CC2D2A: variants seen among roughly 807,000 people sequenced by gnomAD.
The protein encoded by CC2D2A is coiled-coil and C2 domain containing 2A, also known as coiled-coil and C2 domain-containing protein 2A.
In CC2D2A, 155 loss-of-function variants were observed where a neutral mutation model predicts 212.9. That is an observed-to-expected ratio of 0.73 (90% confidence interval 0.64 to 0.83). The LOEUF is 0.83. Among genes scored for constraint, CC2D2A ranks in the 40% least tolerant of loss-of-function variants. The pLI is 0.00. For synonymous variants in CC2D2A, 667 were observed against 686.5 expected, an observed-to-expected ratio of 0.97 and a Z score of 0.44; for missense variants, 1,856 against 1,956.2, an observed-to-expected ratio of 0.95 and a Z score of 0.97.
At chr4:15,586,006 G>A (rs1428777441) in intron 30 of CC2D2A, 151 bp from the exon 31 acceptor site, 3 of 509,584 alleles carry the variant, frequency 5.9e-6, no homozygotes, top group African/African-American at 3.9e-5. Context: ...GTTTGGTGAG[G>A]ATGGAGATAT....
intron 30 of CC2D2A, among the ~76,000 whole-genome samples, chr4:15,584,709 CA>C (rs1720789571): frequency 6.6e-6 from 1 of 152,066 alleles, no homozygotes; most frequent in Non-Finnish European, 1.5e-5. Flanking sequence ...AGTCAAGAGA[CA>C]ACCTACACAG....
intron 14 of CC2D2A, 64 bp downstream of exon 14, chr4:15,533,397 A>G (rs188870085): frequency 5.0e-6 from 6 of 1,195,690 alleles, no homozygotes; most frequent in Non-Finnish European, 1.1e-6. Flanking sequence ...TGTATAAAAC[A>G]TGGATACAGT....
At chr4:15,577,874 T>G (rs1720480573) in intron 29 of CC2D2A, among the ~76,000 whole-genome samples, 1 of 152,194 alleles carries the variant, frequency 6.6e-6, no homozygotes, top group African/African-American at 2.4e-5. Context: ...GACTAAAAGT[T>G]CTTTTGGAGG....
chr4:15,557,548 A>G (rs1719354138), intron 21 of CC2D2A, 41 bp downstream of exon 21: 10 of 1,383,082 alleles, frequency 7.2e-6, no homozygotes, highest in Non-Finnish European at 9.9e-6. Flanking sequence ...ATAATAAAGT[A>G]CCTACTGTGC....
intron 30 of CC2D2A, among the ~76,000 whole-genome samples, chr4:15,584,426 T>C (rs1440740747): frequency 6.6e-6 from 1 of 152,090 alleles, no homozygotes; most frequent in African/African-American, 2.4e-5. Context: ...CAATAAATGG[T>C]GCTGGAAAAA....
rs56039505 is a variant in CC2D2A, at chr4:15,470,649, A to ATC, written c.-19+632_-19+633dup. 5.1e-3 allele frequency among the ~76,000 whole-genome samples: 497 copies of ATC among 98,138 alleles called. 3 individuals are homozygous for ATC. Among genetic ancestry groups the ATC allele is most frequent in the African/African-American group, 7.6e-3 (117 of 15,392 alleles). The allele number at this position is 98,138 out of a possible 152,430, so 64.4% of individuals were successfully genotyped here. A position where few individuals can be genotyped will look rare whatever the true frequency, so the allele number is the denominator to read the frequency against. On this transcript the variant is annotated intron_variant, in intron 1 of 36. Coordinates refer to ENST00000424120, the MANE Select transcript of CC2D2A (RefSeq NM_001378615.1). ...CAAATAAATTCAGCACCAGCATGAAATCTCTCTCTCTCTCTCTCTCTCTCT... is the reference window on the plus strand; with the variant it reads ...CAAATAAATTCAGCACCAGCATGAAATCTCTCTCTCTCTCTCTCTCTCTCTCT...
At chr4:15,537,365 G>A (rs558794988) in intron 15 of CC2D2A, among the ~76,000 whole-genome samples, 18 of 152,328 alleles carry the variant, frequency 1.2e-4, no homozygotes, top group Middle Eastern at 3.4e-3. Flanking sequence ...AATCACTAAT[G>A]CATGTGTCCA....
chr4:15,578,647 A>T (rs1251398110), intron 29 of CC2D2A, among the ~76,000 whole-genome samples: 1 of 152,190 alleles, frequency 6.6e-6, no homozygotes, highest in Non-Finnish European at 1.5e-5. Flanking sequence ...TTCTTTTTTA[A>T]CAGAGTCTCA....
chr4:15,582,754 C>A (rs1044221760), intron 30 of CC2D2A, among the ~76,000 whole-genome samples: 7 of 152,044 alleles, frequency 4.6e-5, no homozygotes, highest in Non-Finnish European at 1.0e-4. Flanking sequence ...TGCTAAATTC[C>A]ACCAAATGTT....
intron 19 of CC2D2A, among the ~76,000 whole-genome samples, chr4:15,553,713 C>T (rs1290819906): frequency 6.6e-6 from 1 of 152,170 alleles, no homozygotes; most frequent in Non-Finnish European, 1.5e-5. Context: ...CATTCTCCAG[C>T]CTCCTCCCTT....
chr4:15,497,860 T>C (rs1715706802), intron 4 of CC2D2A, among the ~76,000 whole-genome samples: 1 of 151,654 alleles, frequency 6.6e-6, no homozygotes, highest in Admixed American at 6.6e-5. Context: ...TTGTGGTATA[T>C]GGCTTATATG....
chr4:15,587,130 T>C (rs1720886852), intron 31 of CC2D2A, among the ~76,000 whole-genome samples: 1 of 152,208 alleles, frequency 6.6e-6, no homozygotes, highest in South Asian at 2.1e-4. Flanking sequence ...AATGAAACTG[T>C]TTCACCTCAG....
intron 33 of CC2D2A, among the ~76,000 whole-genome samples, chr4:15,590,504 G>C (rs1721054672): frequency 6.6e-6 from 1 of 152,236 alleles, no homozygotes; most frequent in Non-Finnish European, 1.5e-5. Flanking sequence ...AACAGAGCAA[G>C]ACTCCATCTC....
intron 7 of CC2D2A, 99 bp downstream of exon 7, chr4:15,510,339 C>T (rs1390691122): frequency 3.0e-6 from 3 of 997,228 alleles, no homozygotes; most frequent in Non-Finnish European, 4.6e-6. Flanking sequence ...CTCACGCCTG[C>T]AATCCCAGCG....
intron 13 of CC2D2A, among the ~76,000 whole-genome samples, chr4:15,531,426 G>A (rs759282129): frequency 3.9e-5 from 6 of 152,122 alleles, no homozygotes; most frequent in Non-Finnish European, 7.3e-5. Context: ...GCTTATACGT[G>A]TTCCGAGTCT....
Position 15,555,061 on chromosome 4 carries a change from C to G in CC2D2A, c.2487-11C>G, listed in dbSNP as rs374783761. The G allele has an allele frequency of 3.1e-4, 496 of 1,604,282 alleles. 3 individuals are homozygous for G. The African/African-American group carries it at 5.6e-3, about 18-fold the overall frequency. ...TCAAGTCAGTCTCATGGAATCAACT[C>G]TTCTTTTCAGTGCTTTGAAGAAAGC... On this transcript the variant is annotated splice_polypyrimidine_tract_variant and intron_variant, in intron 19 of 36. Coordinates refer to ENST00000424120, the MANE Select transcript of CC2D2A (RefSeq NM_001378615.1).
intron 11 of CC2D2A, among the ~76,000 whole-genome samples, chr4:15,527,137 C>G (rs1717549533): frequency 6.6e-6 from 1 of 152,158 alleles, no homozygotes; most frequent in Non-Finnish European, 1.5e-5. Context: ...ACCCAAGATT[C>G]CAAGAAACAA....
intron 6 of CC2D2A, among the ~76,000 whole-genome samples, chr4:15,509,102 T>G (rs1037203773): frequency 6.6e-6 from 1 of 152,150 alleles, no homozygotes; most frequent in Non-Finnish European, 1.5e-5. Context: ...GACAGAGGGC[T>G]CAGCTTCCCA....
intron 32 of CC2D2A, among the ~76,000 whole-genome samples, chr4:15,588,293 AGT>A (rs1242732603): frequency 6.6e-6 from 1 of 152,094 alleles, no homozygotes; most frequent in African/African-American, 2.4e-5. Context: ...GATCCAAAGG[AGT>A]GTGTGTGGTA....
Sources: gnomAD v4.1 joint callset for allele counts (sites outside exome capture counted in the v4.1 genomes callset) on GRCh38, gnomAD v4.1.1 for gene constraint, MANE v1.5 for transcripts, NCBI Gene and HGNC (gene_info 2026-07-23, HGNC 2026-07-21) for gene names.